PEBP4: variants seen among roughly 807,000 people sequenced by gnomAD.
PEBP4 encodes the protein phosphatidylethanolamine-binding protein 4.
PEBP4 carries 22 observed loss-of-function variants against 23.9 expected under a neutral mutation model. That is an observed-to-expected ratio of 0.92 (90% confidence interval 0.66 to 1.31). The LOEUF (loss-of-function observed/expected upper bound fraction) is 1.31. Ranked by LOEUF, PEBP4 falls within the 40% of genes most tolerant of loss-of-function variation. The pLI is 0.00. For synonymous variants in PEBP4, 112 were observed against 99.3 expected (o/e 1.13, Z -0.76); for missense variants, 324 against 281.7 (o/e 1.15, Z -1.07).
chr8:22,866,712 A>G (rs1191763105), intron 3 of PEBP4, among the ~76,000 whole-genome samples: 1 of 152,166 alleles, frequency 6.6e-6, no homozygotes, highest in Non-Finnish European at 1.5e-5. Context: ...ACACACAGGA[A>G]AAAAACAGAA....
intron 3 of PEBP4, among the ~76,000 whole-genome samples, chr8:22,883,167 T>C (rs920481553): frequency 3.9e-5 from 6 of 152,242 alleles, no homozygotes; most frequent in Non-Finnish European, 8.8e-5. Context: ...AAAGCAGGGA[T>C]TATGATGCTT....
intron 3 of PEBP4, among the ~76,000 whole-genome samples, chr8:22,899,732 A>C (rs1207498001): frequency 3.3e-5 from 5 of 152,226 alleles, no homozygotes; most frequent in African/African-American, 1.2e-4. Flanking sequence ...TAGAAAGGAA[A>C]TTAAAATATT....
chr8:22,935,630 A>C (rs1224877201), intron 1 of PEBP4, among the ~76,000 whole-genome samples: 1 of 152,224 alleles, frequency 6.6e-6, no homozygotes, highest in East Asian at 1.9e-4. Flanking sequence ...AAAAAATCCT[A>C]CACCTGACCT....
rs545313910 is a variant in PEBP4, at chr8:22,797,556, G to T, written c.357+20081C>A. On this transcript the variant is annotated intron_variant, in intron 4 of 6. Transcript: ENST00000256404. ...CGTTTTGGGAGAGAAGAAGGGAAAG[G>T]ATATTCGGGGAAGGGGATAGTAAGT... Among the ~76,000 whole-genome samples, 17 of 152,312 alleles carry T rather than the reference G, an allele frequency of 1.1e-4. No individual in the cohort carries two copies. In the Middle Eastern group the frequency reaches 0.01, roughly 91 times the overall value.
intron 4 of PEBP4, among the ~76,000 whole-genome samples, chr8:22,737,641 G>A (rs750903793): frequency 8.5e-5 from 13 of 152,184 alleles, no homozygotes; most frequent in African/African-American, 1.2e-4. Flanking sequence ...AGCAGCCTCA[G>A]TCAATGAGCA....
chr8:22,870,896 G>A (rs546424886), intron 3 of PEBP4, among the ~76,000 whole-genome samples: 9 of 152,134 alleles, frequency 5.9e-5, no homozygotes, highest in Admixed American at 1.3e-4. Context: ...TTTTGTTTTG[G>A]AGCAACCCTC....
chr8:22,807,439 T>C (rs989266345), intron 4 of PEBP4, among the ~76,000 whole-genome samples: 2 of 152,174 alleles, frequency 1.3e-5, no homozygotes, highest in Non-Finnish European at 2.9e-5. Context: ...ATGATCCTAT[T>C]TAGATTTTAG....
chr8:22,825,822 G>A (rs774647850), intron 3 of PEBP4, among the ~76,000 whole-genome samples: 1 of 152,244 alleles, frequency 6.6e-6, no homozygotes, highest in South Asian at 2.1e-4. Context: ...TAAAGAAAAT[G>A]TAGTATATCC....
chr8:22,898,302 G>T (rs1396275912), intron 3 of PEBP4, among the ~76,000 whole-genome samples: 1 of 150,320 alleles, frequency 6.7e-6, no homozygotes, highest in Non-Finnish European at 1.5e-5. Context: ...TGAGGTGGGA[G>T]AGTTGCTTGG....
chr8:22,918,727 A>G (rs1809132681), intron 3 of PEBP4, among the ~76,000 whole-genome samples: 2 of 152,166 alleles, frequency 1.3e-5, no homozygotes, highest in South Asian at 4.1e-4. Context: ...TGAAGCCGAG[A>G]GTCCTGTCCC....
At chr8:22,805,276 G>C (rs1289702477) in intron 4 of PEBP4, among the ~76,000 whole-genome samples, 3 of 152,228 alleles carry the variant, frequency 2.0e-5, no homozygotes, top group African/African-American at 7.2e-5. Context: ...GTAAACTATG[G>C]ACTTTGGGTG....
chr8:22,805,630 T>C (rs1366506078), intron 4 of PEBP4, among the ~76,000 whole-genome samples: 2 of 152,216 alleles, frequency 1.3e-5, no homozygotes, highest in Non-Finnish European at 2.9e-5. Context: ...CCGGCCATGA[T>C]TGCCAGCATT....
intron 5 of PEBP4, among the ~76,000 whole-genome samples, chr8:22,725,673 A>G (rs1334626019): frequency 6.6e-6 from 1 of 152,006 alleles, no homozygotes; most frequent in African/African-American, 2.4e-5. Context: ...TCTTTCCCAG[A>G]GTGCTTCACC....
chr8:22,875,020 G>T (rs1285502189), intron 3 of PEBP4, among the ~76,000 whole-genome samples: 3 of 151,926 alleles, frequency 2.0e-5, no homozygotes, highest in African/African-American at 7.3e-5. Flanking sequence ...TTTTCTGGGT[G>T]GGGTCTGTGA....
intron 4 of PEBP4, chr8:22,757,038 A>C (rs1037049823): frequency 6.6e-6 from 1 of 152,234 alleles, no homozygotes; most frequent in African/African-American, 2.4e-5. Context: ...GGACGTTTGC[A>C]TTTATCTGGA....
chr8:22,756,540 C>T (rs1478653879), intron 4 of PEBP4, among the ~76,000 whole-genome samples: 1 of 152,162 alleles, frequency 6.6e-6, no homozygotes, highest in Non-Finnish European at 1.5e-5. Flanking sequence ...CTGTCCCATG[C>T]TCCTCCCCAC....
chr8:22,916,743 G>A (rs1809084472), intron 3 of PEBP4, among the ~76,000 whole-genome samples: 1 of 152,224 alleles, frequency 6.6e-6, no homozygotes, highest in Non-Finnish European at 1.5e-5. Flanking sequence ...GGCATCTGAG[G>A]TGCTGGTGGG....
At chr8:22,852,885 T>C (rs935423653) in intron 3 of PEBP4, among the ~76,000 whole-genome samples, 1 of 152,194 alleles carries the variant, frequency 6.6e-6, no homozygotes, top group African/African-American at 2.4e-5. Context: ...TCTATCACAC[T>C]GCATTCCTTT....
chr8:22,759,928 G>T (rs540401513), intron 4 of PEBP4, among the ~76,000 whole-genome samples: 54 of 152,222 alleles, frequency 3.5e-4, no homozygotes, highest in African/African-American at 1.3e-3. Flanking sequence ...CCTCTATCTA[G>T]ACAGCACTTC....
Sources: allele counts gnomAD v4.1 joint callset (sites outside exome capture counted in the v4.1 genomes callset), GRCh38; gene constraint gnomAD v4.1.1; transcripts MANE v1.5; gene names NCBI Gene and HGNC (gene_info 2026-07-23, HGNC 2026-07-21).